Variants in RBFOX1 observed in about 807,000 individuals in gnomAD.
RBFOX1 encodes the protein RNA binding fox-1 homolog 1.
RBFOX1 carries 8 observed loss-of-function variants against 57.7 expected under a neutral mutation model. The ratio of observed to expected loss-of-function variants is 0.14; its 90% CI spans 0.08 to 0.25. The LOEUF (loss-of-function observed/expected upper bound fraction) is 0.25, where lower values mean the gene tolerates loss of function less well. Among genes scored for constraint, RBFOX1 ranks in the 10% least tolerant of loss-of-function variants. The pLI, the probability that RBFOX1 is intolerant of heterozygous loss-of-function variation, is 1.00. For missense variants in RBFOX1, 611 were observed against 548.5 expected, an observed-to-expected ratio of 1.11 and a Z score of -1.14; for synonymous variants, 326 against 222.4, an observed-to-expected ratio of 1.47 and a Z score of -4.15.
At chr16:7,496,250 C>T (rs953916665) in intron 4 of RBFOX1, among the ~76,000 whole-genome samples, 1 of 152,188 alleles carries the variant, frequency 6.6e-6, no homozygotes, top group African/African-American at 2.4e-5. Context: ...TCAAGTGATT[C>T]TCTTGCCTCA....
At chr16:6,110,227 T>TTTTTTA (rs2096430216) in intron 1 of RBFOX1, among the ~76,000 whole-genome samples, 1 of 143,852 alleles carries the variant, frequency 7.0e-6, no homozygotes, top group African/African-American at 2.6e-5. Context: ...ATTATTCTTT[T>TTTTTTA]AGCTCTCTGG....
intron 1 of RBFOX1, among the ~76,000 whole-genome samples, chr16:6,282,355 GTTT>G (rs151272388): frequency 0.53 from 67,039 of 125,474 alleles, 17,585 homozygotes; most frequent in East Asian, 0.75. Flanking sequence ...TACCTTGTCT[GTTT>G]TTTTTTTTTT....
chr16:6,782,604 T>C (rs2081218768), intron 3 of RBFOX1, among the ~76,000 whole-genome samples: 1 of 152,144 alleles, frequency 6.6e-6, no homozygotes. Context: ...CCTGCTATGA[T>C]TTGGATTTTT....
chr16:7,635,875 G>C, intron 11 of RBFOX1, among the ~76,000 whole-genome samples: 1 of 152,136 alleles, frequency 6.6e-6, no homozygotes, highest in East Asian at 1.9e-4. Flanking sequence ...CAGTAGCGCA[G>C]TCCCGGCTCA....
At chr16:6,605,398 T>A (rs1335229674) in intron 2 of RBFOX1, among the ~76,000 whole-genome samples, 4 of 152,124 alleles carry the variant, frequency 2.6e-5, no homozygotes, top group Admixed American at 2.0e-4. Flanking sequence ...GCTTTATTGA[T>A]TTATGATATT....
intron 4 of RBFOX1, among the ~76,000 whole-genome samples, chr16:5,913,693 C>T (rs1030323448): frequency 1.3e-5 from 2 of 152,212 alleles, no homozygotes; most frequent in Non-Finnish European, 2.9e-5. Flanking sequence ...CAGGCTAACA[C>T]AGGTGTATCA....
At chr16:6,520,355 A>G (rs185004993) in intron 2 of RBFOX1, among the ~76,000 whole-genome samples, 19 of 152,280 alleles carry the variant, frequency 1.2e-4, no homozygotes, top group African/African-American at 4.1e-4. Flanking sequence ...AGATTTGTCT[A>G]CCTTTCTTAG....
intron 2 of RBFOX1, among the ~76,000 whole-genome samples, chr16:6,565,383 A>G (rs1165759265): frequency 6.6e-6 from 1 of 151,920 alleles, no homozygotes; most frequent in Non-Finnish European, 1.5e-5. Context: ...TCAGCCTCCC[A>G]AGTAGCTGGA....
At chr16:5,471,065 C>T (rs1567134949) in intron 2 of RBFOX1, among the ~76,000 whole-genome samples, 1 of 152,092 alleles carries the variant, frequency 6.6e-6, no homozygotes, top group East Asian at 1.9e-4. Context: ...AACTCCTGAC[C>T]TCAGGTGATC....
At chr16:7,675,850 C>T (rs910929745) in intron 13 of RBFOX1, among the ~76,000 whole-genome samples, 3 of 152,150 alleles carry the variant, frequency 2.0e-5, no homozygotes, top group Non-Finnish European at 4.4e-5. Context: ...TATCAGCGGA[C>T]ACTGGATCCT....
chr16:5,501,318 C>CAAAAAAAAA (rs1160788118), intron 2 of RBFOX1, among the ~76,000 whole-genome samples: 56 of 64,828 alleles, frequency 8.6e-4, no homozygotes, highest in African/African-American at 1.8e-3. Context: ...ACTCTGTCTA[C>CAAAAAAAAA]AAAAAAAAAA....
At chr16:6,559,171 A>G (rs530342923) in intron 2 of RBFOX1, among the ~76,000 whole-genome samples, 13 of 131,764 alleles carry the variant, frequency 9.9e-5, no homozygotes, top group African/African-American at 3.8e-4. Context: ...GTTTGTGTGT[A>G]CATATATATA....
intron 4 of RBFOX1, among the ~76,000 whole-genome samples, chr16:5,875,882 C>G (rs1369965540): frequency 6.8e-6 from 1 of 146,526 alleles, no homozygotes; most frequent in Admixed American, 6.9e-5. Context: ...CTTGCTTTGT[C>G]TCCCAGGCTG....
chr16:5,487,921 T>A (rs1460330230), intron 2 of RBFOX1, among the ~76,000 whole-genome samples: 1 of 151,996 alleles, frequency 6.6e-6, no homozygotes, highest in Non-Finnish European at 1.5e-5. Flanking sequence ...AGATTTATGG[T>A]GATGATAATG....
intron 3 of RBFOX1, among the ~76,000 whole-genome samples, chr16:6,844,901 A>T (rs112680726): frequency 0.075 from 11,475 of 152,112 alleles, 561 homozygotes; most frequent in East Asian, 0.27. Flanking sequence ...ATGGTATCTC[A>T]TTGTGGTTTT....
At chr16:6,141,888 A>G (rs566431488) in intron 1 of RBFOX1, among the ~76,000 whole-genome samples, 5 of 151,908 alleles carry the variant, frequency 3.3e-5, no homozygotes, top group South Asian at 2.1e-4. Flanking sequence ...GTGAAACCCC[A>G]TCTCTACTAA....
chr16:6,838,677 A>T (rs530791261), intron 3 of RBFOX1, among the ~76,000 whole-genome samples: 55 of 152,288 alleles, frequency 3.6e-4, no homozygotes, highest in African/African-American at 1.3e-3. Flanking sequence ...GGCAAAGCCG[A>T]TAACCTTCCC....
intron 4 of RBFOX1, among the ~76,000 whole-genome samples, chr16:5,993,143 C>G (rs1281102520): frequency 6.6e-6 from 1 of 152,148 alleles, no homozygotes; most frequent in Non-Finnish European, 1.5e-5. Context: ...CAAGGTTGAA[C>G]CAGTGACCTT....
At chr16:6,115,057 A>T (rs1041738534) in intron 1 of RBFOX1, among the ~76,000 whole-genome samples, 4 of 152,156 alleles carry the variant, frequency 2.6e-5, no homozygotes, top group African/African-American at 9.7e-5. Context: ...GGAAAGGGGT[A>T]GTAACTTCCA....
Sources: allele counts gnomAD v4.1 joint callset (sites outside exome capture counted in the v4.1 genomes callset), GRCh38; gene constraint gnomAD v4.1.1; transcripts MANE v1.5; gene names NCBI Gene and HGNC (gene_info 2026-07-23, HGNC 2026-07-21).